The following SYNJ2 variants were observed in gnomAD, a reference collection of about 807,000 sequenced individuals.
SYNJ2 encodes polyphosphatidylinositol phosphatase SYNJ2.
In SYNJ2, 116 loss-of-function variants were observed where a neutral mutation model predicts 141.3. The observed-to-expected ratio is 0.82, with a 90% CI of 0.71 to 0.96. The LOEUF is 0.96. SYNJ2 is among the 40% of genes least tolerant of loss of function. SYNJ2 has a pLI of 0.00. For missense variants in SYNJ2, 1,873 were observed against 1,934.8 expected, an observed-to-expected ratio of 0.97 and a Z score of 0.60; for synonymous variants, 745 against 777.7, an observed-to-expected ratio of 0.96 and a Z score of 0.70.
At position 158,064,692 on chromosome 6, in the gene SYNJ2, A is replaced by G; in HGVS notation, c.1301A>G (p.Asn434Ser). 6.2e-7 allele frequency: 1 copy of G among 1,614,044 alleles called. No individual in the cohort carries two copies. The highest frequency in any genetic ancestry group is 8.5e-7 in the Non-Finnish European group (1 of 1,180,010). Residue 434 changes from asparagine (N) to serine (S), a missense_variant, in exon 10 of 27, where the codon AAT (asparagine) becomes AGT (serine). By Grantham distance (46) the Asn-to-Ser change is conservative. Transcript: ENST00000355585. ...TCCTTCAAAGCCATGTGGTCTCTGA[A>G]TGGCCACAGCCTGAGCAAGGTGTTC... ...VESFKAMWSL[N>S]GHSLSKVFTG...
intron 18 of SYNJ2, 172 bp downstream of exon 18, chr6:158,078,453 C>T: frequency 2.1e-6 from 1 of 480,310 alleles, no homozygotes; most frequent in Non-Finnish European, 3.7e-6. Context: ...ATCTGTGGAC[C>T]CACCACCAAG....
intron 26 of SYNJ2, among the ~76,000 whole-genome samples, chr6:158,093,357 A>G (rs1783589060): frequency 6.6e-6 from 1 of 150,640 alleles, no homozygotes; most frequent in Non-Finnish European, 1.5e-5. Context: ...AATCACTTGA[A>G]CCCAGGAGGC....
At position 158,064,896 on chromosome 6, in the gene SYNJ2, A is replaced by G; in HGVS notation, c.1430A>G (p.Lys477Arg). 6.2e-7 allele frequency: 1 copy of G among 1,613,800 alleles called. No homozygotes were observed. The highest frequency in any genetic ancestry group is 1.1e-5 in the South Asian group (1 of 90,998). Residue 477 changes from lysine (K) to arginine (R), a missense_variant, in exon 11 of 27, where the codon AAG (lysine) becomes AGG (arginine). Physicochemically the swap from Lys to Arg is conservative, Grantham distance 26. Coordinates refer to ENST00000355585, the MANE Select transcript of SYNJ2 (RefSeq NM_003898.4). ...TIQSNFFDGV[K>R]QEAIKLLLVG... ...CAGTCCAACTTCTTCGACGGGGTGAAGCAGGAGGCCATCAAGCTGCTGCTG... is the reference window on the plus strand; with the variant it reads ...CAGTCCAACTTCTTCGACGGGGTGAGGCAGGAGGCCATCAAGCTGCTGCTG...
intron 1 of SYNJ2, among the ~76,000 whole-genome samples, chr6:157,995,044 C>G (rs1777589055): frequency 6.6e-6 from 1 of 152,198 alleles, no homozygotes; most frequent in South Asian, 2.1e-4. Flanking sequence ...CTAAAACTGG[C>G]AAAGGCCTTT....
At position 158,043,324 on chromosome 6, in the gene SYNJ2, C is replaced by A. The variant is rs1448779223; in HGVS notation, c.720C>A (p.Tyr240Ter). ...GTTTCCTTGTGCCGCAGATGATTTA[C>A]ATGGACGATGGAGTGTCATCTTTTG... ...SNFVETEQMI[Y>*]MDDGVSSFVQ... Residue 240 changes from tyrosine to a stop codon, truncating the protein, a stop_gained, in exon 5 of 27, where the codon TAC becomes TAA. Coordinates refer to ENST00000355585, the MANE Select transcript of SYNJ2 (RefSeq NM_003898.4). LOFTEE classifies it high-confidence loss of function. The surrounding 1 kb of genome is among the most constrained non-coding windows in gnomAD (Gnocchi z 4.0). 6.2e-7 allele frequency: 1 copy of A among 1,613,812 alleles called. No homozygotes were observed. Among genetic ancestry groups the A allele is most frequent in the Non-Finnish European group, 8.5e-7 (1 of 1,179,814 alleles).
At chr6:158,044,195 G>C (rs1222891635) in intron 5 of SYNJ2, among the ~76,000 whole-genome samples, 1 of 152,220 alleles carries the variant, frequency 6.6e-6, no homozygotes, top group Non-Finnish European at 1.5e-5. Context: ...CATTTGGGTT[G>C]CCAGCCAGTG....
At chr6:158,093,244 A>G in intron 26 of SYNJ2, 140 bp downstream of exon 26, 1 of 908,700 alleles carries the variant, frequency 1.1e-6, no homozygotes, top group Non-Finnish European at 1.6e-6. Context: ...GACCAGCCTG[A>G]CCAACATGGT....
chr6:158,046,059 C>T (rs550301494), intron 5 of SYNJ2, among the ~76,000 whole-genome samples: 16 of 152,354 alleles, frequency 1.1e-4, no homozygotes, highest in African/African-American at 3.6e-4. Flanking sequence ...TCTCCTGCCT[C>T]AGCCTCACAA....
At chr6:158,091,751 T>TAAAA (rs35408343) in intron 25 of SYNJ2, among the ~76,000 whole-genome samples, 2 of 101,000 alleles carry the variant, frequency 2.0e-5, no homozygotes, top group African/African-American at 3.8e-5. Flanking sequence ...CTCTGTCTCA[T>TAAAA]AAAAAAAAAA....
chr6:158,033,391 G>A (rs1231631025), intron 3 of SYNJ2, 64 bp from the exon 4 acceptor site: 10 of 1,564,498 alleles, frequency 6.4e-6, no homozygotes, highest in Admixed American at 1.7e-5. Context: ...CACACTCGCT[G>A]TCCAGGCAGC....
intron 25 of SYNJ2, among the ~76,000 whole-genome samples, chr6:158,091,730 A>T (rs990455381): frequency 6.6e-6 from 1 of 150,378 alleles, no homozygotes; most frequent in African/African-American, 2.5e-5. Flanking sequence ...AGCCTGGGTG[A>T]CAGAGCTAGA....
At chr6:158,023,709 C>T (rs1778896024) in intron 2 of SYNJ2, among the ~76,000 whole-genome samples, 1 of 152,136 alleles carries the variant, frequency 6.6e-6, no homozygotes, top group Non-Finnish European at 1.5e-5. Flanking sequence ...GAAGTAACTC[C>T]CCCTAGGATT....
At chr6:158,076,374 G>T (rs1048822658) in intron 16 of SYNJ2, among the ~76,000 whole-genome samples, 1 of 152,174 alleles carries the variant, frequency 6.6e-6, no homozygotes, top group African/African-American at 2.4e-5. Flanking sequence ...CAAGAAGACA[G>T]TGGATAGATC....
rs1744176 is a variant in SYNJ2 at position 158,081,637 on chromosome 6, T to G, written c.2865+127T>G. On this transcript the variant is annotated intron_variant, in intron 20 of 26. Transcript: ENST00000355585. ...TTTTTTTTTTTTTTTTTTTTTTTTC[T>G]CTGAGACAAAGTCTTGCTCTGTCAT... 2.9e-5 allele frequency: 4 copies of G among 138,892 alleles called. 1 individual carries two copies. The highest frequency in any genetic ancestry group is 9.7e-5 in the Admixed American group (1 of 10,340). 8.6% of individuals were successfully genotyped at this position (138,892 alleles called of 1,614,324 possible). A position where few individuals can be genotyped will look rare whatever the true frequency, so the allele number is the denominator to read the frequency against.
Position 158,064,668 on chromosome 6 carries a change from C to G in SYNJ2, c.1277C>G (p.Ser426Cys), listed in dbSNP as rs1275114659. ...SKPIVDRFVE[S>C]FKAMWSLNGH... ...CCCATCGTTGACCGCTTTGTGGAGT[C>G]CTTCAAAGCCATGTGGTCTCTGAAT... Residue 426 changes from serine (S) to cysteine (C), a missense_variant, in exon 10 of 27, where the codon TCC becomes TGC. By Grantham distance (112) the Ser-to-Cys change is moderately radical. Transcript: ENST00000355585. 2 of 1,614,004 alleles carry G rather than the reference C, an allele frequency of 1.2e-6. No individual in the cohort carries two copies. Among genetic ancestry groups the G allele is most frequent in the South Asian group, 1.1e-5 (1 of 91,090 alleles).
intron 1 of SYNJ2, among the ~76,000 whole-genome samples, chr6:158,014,257 T>C (rs553471436): frequency 6.6e-6 from 1 of 152,350 alleles, no homozygotes; most frequent in African/African-American, 2.4e-5. Context: ...AGGTTAGGTG[T>C]ATTGAATGCA....
rs530352356 is a variant in SYNJ2 at position 158,096,305 on chromosome 6, A to G, written c.4432A>G (p.Ile1478Val). Residue 1478 changes from isoleucine to valine, a missense_variant, in exon 27 of 27, where the codon ATC becomes GTC. Transcript: ENST00000355585. The stretch of plus-strand genomic sequence containing the variant: ...CAAAACCTTAGGTCACTGGGTGACA[A>G]TCAGTGACCAAGAAAAGAGGACAGC... ...EHKTLGHWVT[I>V]SDQEKRTALQ... 6.8e-6 allele frequency: 11 copies of G among 1,613,772 alleles called. No homozygotes were observed. In the East Asian group the frequency reaches 1.6e-4, roughly 23 times the overall value.
intron 4 of SYNJ2, among the ~76,000 whole-genome samples, chr6:158,034,169 C>G (rs1363589356): frequency 6.6e-6 from 1 of 152,162 alleles, no homozygotes; most frequent in East Asian, 1.9e-4. Context: ...GCAGCCGCTC[C>G]CATCCGTTCC....
intron 23 of SYNJ2, among the ~76,000 whole-genome samples, chr6:158,087,834 GTCT>G (rs1174147811): frequency 7.1e-6 from 1 of 141,564 alleles, no homozygotes; most frequent in Non-Finnish European, 1.5e-5. Context: ...GTTGAAAAAA[GTCT>G]TCTTTTTCCA....
Sources: gnomAD v4.1 joint callset for allele counts (sites outside exome capture counted in the v4.1 genomes callset) on GRCh38, gnomAD v4.1.1 for gene constraint, Gnocchi (gnomAD v3.1) non-coding constraint, MANE v1.5 for transcripts, NCBI Gene and HGNC (gene_info 2026-07-23, HGNC 2026-07-21) for gene names.